Variants in VAV3 observed in about 807,000 individuals in gnomAD.
VAV3 encodes the protein vav guanine nucleotide exchange factor 3, also known as guanine nucleotide exchange factor VAV3.
VAV3 carries 94 observed loss-of-function variants against 131.2 expected under a neutral mutation model. That is an observed-to-expected ratio of 0.72 (90% CI 0.61 to 0.85). The LOEUF (loss-of-function observed/expected upper bound fraction) is 0.85, where lower values mean the gene tolerates loss of function less well. Among genes scored for constraint, VAV3 ranks in the 40% least tolerant of loss-of-function variants. VAV3 has a pLI of 0.00. For synonymous variants in VAV3, 349 were observed against 342.0 expected (o/e 1.02, Z -0.22); for missense variants, 939 against 1,002.7 (o/e 0.94, Z 0.86).
intron 22 of VAV3, chr1:107,609,394 C>G (rs1652542559): frequency 6.6e-6 from 1 of 151,260 alleles, no homozygotes; most frequent in Non-Finnish European, 1.5e-5. Context: ...TTAGAAGCTA[C>G]TAGTGTCAAC....
At chr1:107,958,566 G>A (rs1674926321) in intron 1 of VAV3, among the ~76,000 whole-genome samples, 1 of 152,010 alleles carries the variant, frequency 6.6e-6, no homozygotes, top group Non-Finnish European at 1.5e-5. Context: ...AAGTTCAAGT[G>A]GTATTCAGAA....
At chr1:107,612,787 C>T (rs1207434667) in intron 21 of VAV3, among the ~76,000 whole-genome samples, 2 of 152,100 alleles carry the variant, frequency 1.3e-5, no homozygotes, top group East Asian at 1.9e-4. Context: ...TTTAAGACTT[C>T]CTACCTCCTT....
intron 17 of VAV3, among the ~76,000 whole-genome samples, chr1:107,701,762 G>A (rs1037058126): frequency 6.6e-6 from 1 of 152,182 alleles, no homozygotes; most frequent in African/African-American, 2.4e-5. Flanking sequence ...AATGCCACCA[G>A]TCTCTTTACT....
chr1:107,649,414 C>T lies in VAV3; in HGVS notation c.1778-6659G>A, dbSNP rs533598183. ...GGCAGATATCTAAGTCAGCAAAGAA[C>T]AATTTCTGACTTCTGTAAACAAAAG... On this transcript the variant is annotated intron_variant, in intron 19 of 26. Coordinates refer to ENST00000370056, the MANE Select transcript of VAV3 (RefSeq NM_006113.5). Among the ~76,000 whole-genome samples, 15 of 152,176 alleles carry T rather than the reference C, an allele frequency of 9.9e-5. No homozygotes were observed. In the East Asian group the frequency reaches 2.5e-3, roughly 26 times the overall value.
intron 20 of VAV3, among the ~76,000 whole-genome samples, chr1:107,633,610 G>C (rs1051866666): frequency 2.0e-5 from 3 of 152,046 alleles, no homozygotes; most frequent in African/African-American, 7.2e-5. Context: ...TGATTGGTAT[G>C]GTCCCCTTCC....
At chr1:107,938,600 C>G (rs1472126995) in intron 1 of VAV3, among the ~76,000 whole-genome samples, 1 of 152,160 alleles carries the variant, frequency 6.6e-6, no homozygotes, top group Non-Finnish European at 1.5e-5. Context: ...CAGTGGATGA[C>G]TTGGTTGTCC....
chr1:107,872,981 C>A (rs1670320663), intron 2 of VAV3, among the ~76,000 whole-genome samples: 1 of 152,118 alleles, frequency 6.6e-6, no homozygotes, highest in African/African-American at 2.4e-5. Context: ...ATCACAAATT[C>A]TTTAACTTTC....
rs746824730 is a variant in VAV3, at chr1:107,959,904, G to A, written c.204+4762C>T. Among the ~76,000 whole-genome samples the A allele has an allele frequency of 7.2e-5, 11 of 152,092 alleles. No individual in the cohort carries two copies. In the South Asian group the frequency reaches 1.9e-3, roughly 26 times the overall value. ...TCTAGTCCTCTCCATTTCAGTAAAT[G>A]GGAACTTCATCATCCAGTTTCTCAG... On this transcript the variant is annotated intron_variant, in intron 1 of 26. Coordinates refer to ENST00000370056, the MANE Select transcript of VAV3 (RefSeq NM_006113.5).
chr1:107,660,457 T>C (rs1227371538), intron 19 of VAV3, among the ~76,000 whole-genome samples: 1 of 152,204 alleles, frequency 6.6e-6, no homozygotes, highest in Non-Finnish European at 1.5e-5. Flanking sequence ...CATCCATCTA[T>C]TTCTTCACAG....
chr1:107,672,482 T>C (rs1657889934), intron 19 of VAV3, among the ~76,000 whole-genome samples: 1 of 151,880 alleles, frequency 6.6e-6, no homozygotes. Flanking sequence ...AGGTGTTTAA[T>C]AAGTCAGAGG....
At chr1:107,655,104 G>A (rs1366508178) in intron 19 of VAV3, among the ~76,000 whole-genome samples, 1 of 152,028 alleles carries the variant, frequency 6.6e-6, no homozygotes, top group East Asian at 1.9e-4. Context: ...TTAGCACAAA[G>A]TTCACATGCA....
chr1:107,704,709 A>C, intron 16 of VAV3, 59 bp from the exon 17 acceptor site: 1 of 1,381,806 alleles, frequency 7.2e-7, no homozygotes, highest in Non-Finnish European at 1.0e-6. Context: ...CCCATATGAA[A>C]TTACTGCAAG....
At chr1:107,890,126 T>C (rs962318718) in intron 1 of VAV3, among the ~76,000 whole-genome samples, 2 of 152,176 alleles carry the variant, frequency 1.3e-5, no homozygotes, top group Non-Finnish European at 1.5e-5. Context: ...TGCTTAGGTT[T>C]TGCACTAAAA....
intron 2 of VAV3, among the ~76,000 whole-genome samples, chr1:107,841,295 G>A (rs1668695784): frequency 6.6e-6 from 1 of 151,814 alleles, no homozygotes; most frequent in South Asian, 2.1e-4. Flanking sequence ...GGAAAGGGGG[G>A]GGTAGAAAAA....
intron 19 of VAV3, among the ~76,000 whole-genome samples, chr1:107,658,843 A>G (rs1282715551): frequency 6.6e-6 from 1 of 151,918 alleles, no homozygotes; most frequent in Non-Finnish European, 1.5e-5. Flanking sequence ...TAGATTCTGG[A>G]TATCACACCT....
At chr1:107,678,197 A>T (rs1658349944) in intron 19 of VAV3, among the ~76,000 whole-genome samples, 1 of 152,110 alleles carries the variant, frequency 6.6e-6, no homozygotes, top group South Asian at 2.1e-4. Context: ...TCTGCAATGA[A>T]TCTTAATCAC....
chr1:107,669,459 G>A (rs1657628697), intron 19 of VAV3: 1 of 1,288,352 alleles, frequency 7.8e-7, no homozygotes, highest in Non-Finnish European at 1.0e-6. Flanking sequence ...AGAAATGAAG[G>A]AGACAGGGCA....
At chr1:107,682,538 T>C (rs999660049) in intron 19 of VAV3, among the ~76,000 whole-genome samples, 157 of 152,046 alleles carry the variant, frequency 1.0e-3, no homozygotes, top group African/African-American at 3.7e-3. Context: ...GTTAAAAGAT[T>C]TAAACTAGTC....
intron 2 of VAV3, among the ~76,000 whole-genome samples, chr1:107,806,058 C>T (rs1303503784): frequency 6.6e-6 from 1 of 152,128 alleles, no homozygotes; most frequent in Non-Finnish European, 1.5e-5. Flanking sequence ...CTCCTTTGGC[C>T]AAGTTACAAA....
Sources: allele counts gnomAD v4.1 joint callset (sites outside exome capture counted in the v4.1 genomes callset), GRCh38; gene constraint gnomAD v4.1.1; transcripts MANE v1.5; gene names NCBI Gene and HGNC (gene_info 2026-07-23, HGNC 2026-07-21).